CDH13: variants seen among roughly 807,000 people sequenced by gnomAD.
The protein encoded by CDH13 is cadherin 13, also known as cadherin-13.
CDH13 carries 24 observed loss-of-function variants against 63.8 expected under a neutral mutation model. The ratio of observed to expected loss-of-function variants is 0.38; its 90% CI spans 0.27 to 0.53. The LOEUF is 0.53. Among genes scored for constraint, CDH13 ranks in the 20% least tolerant of loss-of-function variants. The probability of loss-of-function intolerance (pLI) is 0.85; values close to 1 mark genes in which losing one functional copy is unlikely to be tolerated. For synonymous variants in CDH13, 503 were observed against 355.3 expected, an observed-to-expected ratio of 1.42 and a Z score of -4.67; for missense variants, 1,049 against 903.1, an observed-to-expected ratio of 1.16 and a Z score of -2.07.
chr16:83,779,806 C>G (rs546692134), intron 11 of CDH13, among the ~76,000 whole-genome samples, 162 bp from the exon 12 acceptor site: 4 of 152,244 alleles, frequency 2.6e-5, no homozygotes, highest in African/African-American at 7.2e-5. Context: ...TGCAGTGAGC[C>G]ATGATCGCAC....
At chr16:83,487,953 C>G (rs1397384981) in intron 7 of CDH13, among the ~76,000 whole-genome samples, 1 of 152,232 alleles carries the variant, frequency 6.6e-6, no homozygotes, top group African/African-American at 2.4e-5. Context: ...CCTCCCATCT[C>G]TGACTACTCT....
chr16:83,705,234 A>G lies in CDH13; in HGVS notation c.1538+26773A>G, dbSNP rs149417552. 4.9e-4 allele frequency among the ~76,000 whole-genome samples: 75 copies of G among 152,344 alleles called. 2 individuals carry two copies. The East Asian group carries it at 0.014, about 28-fold the overall frequency. ...TTCTGTCTTTTATGCTTTCATACAA[A>G]ATGTCATGCTCTAATCACTAAACCT... On this transcript the variant is annotated intron_variant, in intron 10 of 13. Transcript: ENST00000567109.
At chr16:83,181,092 G>A in intron 4 of CDH13, 1 of 1,248,762 alleles carries the variant, frequency 8.0e-7, no homozygotes, top group Non-Finnish European at 1.1e-6. Flanking sequence ...CCTGTTGACT[G>A]AATTTTGATC....
chr16:83,021,693 C>G (rs1017757608), intron 2 of CDH13, among the ~76,000 whole-genome samples: 37 of 152,184 alleles, frequency 2.4e-4, no homozygotes, highest in African/African-American at 8.9e-4. Context: ...GGAATTAAGA[C>G]TGTTTTATGT....
chr16:83,367,161 G>C (rs2091273906), intron 6 of CDH13, among the ~76,000 whole-genome samples: 1 of 152,162 alleles, frequency 6.6e-6, no homozygotes, highest in South Asian at 2.1e-4. Flanking sequence ...GACAACCAAT[G>C]ATCCACTTTC....
intron 3 of CDH13, among the ~76,000 whole-genome samples, chr16:83,091,791 C>T (rs1238775820): frequency 6.6e-6 from 1 of 152,182 alleles, no homozygotes; most frequent in Non-Finnish European, 1.5e-5. Context: ...CAGTGCCTGG[C>T]ACATGGTGGG....
intron 7 of CDH13, among the ~76,000 whole-genome samples, chr16:83,593,501 C>A (rs1906958248): frequency 6.6e-6 from 1 of 151,912 alleles, no homozygotes; most frequent in Non-Finnish European, 1.5e-5. Flanking sequence ...GACAACAGTA[C>A]AAATCAGGAG....
intron 2 of CDH13, among the ~76,000 whole-genome samples, chr16:82,926,617 A>G (rs1030373349): frequency 6.6e-6 from 1 of 152,208 alleles, no homozygotes; most frequent in Non-Finnish European, 1.5e-5. Flanking sequence ...GAGGCACAGA[A>G]GCTCACAAGC....
intron 11 of CDH13, among the ~76,000 whole-genome samples, chr16:83,773,615 G>A (rs534972126): frequency 1.3e-5 from 2 of 152,306 alleles, no homozygotes; most frequent in South Asian, 4.1e-4. Context: ...AATTGGAGAT[G>A]AGATTTGGGT....
chr16:83,312,031 C>T (rs1452219330), intron 5 of CDH13, among the ~76,000 whole-genome samples: 2 of 126,852 alleles, frequency 1.6e-5, no homozygotes, highest in East Asian at 4.6e-4. Flanking sequence ...TGAGATTGTG[C>T]ATTGCACTCC....
At chr16:83,123,231 T>C (rs576146104) in intron 3 of CDH13, among the ~76,000 whole-genome samples, 21 of 151,946 alleles carry the variant, frequency 1.4e-4, no homozygotes, top group African/African-American at 4.6e-4. Context: ...CGTATAGATA[T>C]ATTTACATAT....
At chr16:83,707,440 T>A (rs977888479) in intron 10 of CDH13, among the ~76,000 whole-genome samples, 2 of 152,248 alleles carry the variant, frequency 1.3e-5, no homozygotes, top group Non-Finnish European at 2.9e-5. Flanking sequence ...CTATCTGCTC[T>A]CTGTGTACTG....
At chr16:82,911,572 G>A (rs2041830530) in intron 2 of CDH13, among the ~76,000 whole-genome samples, 1 of 152,124 alleles carries the variant, frequency 6.6e-6, no homozygotes, top group South Asian at 2.1e-4. Context: ...TGGTAATAGA[G>A]CCTATCCTGC....
At chr16:83,661,241 C>T (rs73248711) in intron 8 of CDH13, among the ~76,000 whole-genome samples, 11,410 of 152,166 alleles carry the variant, frequency 0.075, 695 homozygotes, top group African/African-American at 0.17. Flanking sequence ...AATTGCAGCA[C>T]TTTGCGGGAC....
intron 4 of CDH13, among the ~76,000 whole-genome samples, chr16:83,205,585 G>T (rs2039158746): frequency 6.7e-6 from 1 of 148,606 alleles, no homozygotes; most frequent in African/African-American, 2.5e-5. Context: ...TACAAGAAAT[G>T]GTGCCCAAGA....
intron 1 of CDH13, among the ~76,000 whole-genome samples, chr16:82,842,507 T>A (rs1235474693): frequency 6.6e-6 from 1 of 152,046 alleles, no homozygotes; most frequent in Non-Finnish European, 1.5e-5. Flanking sequence ...AACAGTGCTT[T>A]CTCCAGTGAC....
At chr16:83,498,716 A>T (rs1170480171) in intron 7 of CDH13, among the ~76,000 whole-genome samples, 1 of 152,238 alleles carries the variant, frequency 6.6e-6, no homozygotes, top group Non-Finnish European at 1.5e-5. Context: ...AATATTATTG[A>T]TATTTATATG....
rs750396649 is a variant in CDH13, at chr16:83,345,026, C to A, written c.781+20C>A. ...CCACAGGTATGTCACATTGGCTTAC[C>A]TTTAGCGTAATGGCTTGGAAAGAGG... On this transcript the variant is annotated intron_variant, in intron 6 of 13. Coordinates refer to ENST00000567109, the MANE Select transcript of CDH13 (RefSeq NM_001257.5). The A allele has an allele frequency of 6.2e-7, 1 of 1,611,560 alleles. No individual in the cohort carries two copies. Among genetic ancestry groups the A allele is most frequent in the Non-Finnish European group, 8.5e-7 (1 of 1,178,066 alleles).
chr16:83,675,273 C>G (rs576486410), intron 9 of CDH13, among the ~76,000 whole-genome samples: 4 of 152,280 alleles, frequency 2.6e-5, no homozygotes, highest in African/African-American at 9.6e-5. Context: ...GTCAGCAGCT[C>G]CAGGTGGTCT....
Sources: allele counts gnomAD v4.1 joint callset (sites outside exome capture counted in the v4.1 genomes callset), GRCh38; gene constraint gnomAD v4.1.1; transcripts MANE v1.5; gene names NCBI Gene and HGNC (gene_info 2026-07-23, HGNC 2026-07-21).